MBD5: variants seen among roughly 807,000 people sequenced by gnomAD.
MBD5 encodes the protein methyl-CpG binding domain protein 5.
A neutral mutation model predicts 117.3 loss-of-function variants in MBD5; 13 were observed. That is an observed-to-expected ratio of 0.11 (90% CI 0.07 to 0.18). MBD5 has a LOEUF of 0.18. MBD5 is among the 10% of genes least tolerant of loss of function. MBD5 has a pLI of 1.00. For synonymous variants in MBD5, 727 were observed against 766.4 expected, an observed-to-expected ratio of 0.95 and a Z score of 0.85; for missense variants, 1,879 against 2,093.8, an observed-to-expected ratio of 0.90 and a Z score of 2.00.
intron 1 of MBD5, among the ~76,000 whole-genome samples, chr2:148,117,767 T>C (rs1305501845): frequency 6.6e-6 from 1 of 152,210 alleles, no homozygotes; most frequent in African/African-American, 2.4e-5. Context: ...CAATGGATTA[T>C]CTCATTTAAT....
chr2:148,113,498 TTAAAA>T (rs1311166627), intron 1 of MBD5, among the ~76,000 whole-genome samples: 5 of 152,328 alleles, frequency 3.3e-5, no homozygotes, highest in African/African-American at 1.2e-4. Flanking sequence ...ATAGAGGAGC[TTAAAA>T]TAACATGTGT....
chr2:148,239,652 A>G (rs906228820), intron 3 of MBD5, among the ~76,000 whole-genome samples: 53 of 147,420 alleles, frequency 3.6e-4, no homozygotes, highest in Admixed American at 8.8e-4. Context: ...AAAATTATTG[A>G]CATTTCAAAA....
chr2:148,415,280 C>T (rs191978014), intron 4 of MBD5, among the ~76,000 whole-genome samples: 1 of 151,864 alleles, frequency 6.6e-6, no homozygotes, highest in East Asian at 1.9e-4. Flanking sequence ...TTTTAAGGAT[C>T]CTGAATATAA....
intron 4 of MBD5, among the ~76,000 whole-genome samples, chr2:148,393,656 G>A (rs1318826768): frequency 6.6e-6 from 1 of 152,080 alleles, no homozygotes; most frequent in Non-Finnish European, 1.5e-5. Context: ...CAAATTTGAG[G>A]GTCAGCAGCA....
At chr2:148,425,974 T>G (rs1186368262) in intron 4 of MBD5, among the ~76,000 whole-genome samples, 1 of 152,136 alleles carries the variant, frequency 6.6e-6, no homozygotes, top group Non-Finnish European at 1.5e-5. Context: ...AAAATCAATG[T>G]GCAAAAATCA....
At chr2:148,178,842 G>A (rs1435150335) in intron 2 of MBD5, 49 bp downstream of exon 2, 1 of 397,166 alleles carries the variant, frequency 2.5e-6, no homozygotes, top group Non-Finnish European at 4.4e-6. Flanking sequence ...AATGGTTAGG[G>A]TTGTCAGATT....
intron 1 of MBD5, among the ~76,000 whole-genome samples, chr2:148,094,551 G>A (rs1696014711): frequency 6.6e-6 from 1 of 152,034 alleles, no homozygotes; most frequent in Admixed American, 6.6e-5. Context: ...ATTTTCATAG[G>A]TACCCTTTAA....
At chr2:148,261,371 C>A (rs549481292) in intron 3 of MBD5, among the ~76,000 whole-genome samples, 2 of 152,334 alleles carry the variant, frequency 1.3e-5, no homozygotes, top group South Asian at 4.1e-4. Flanking sequence ...TTAGCTAGAT[C>A]TTCTAGATAA....
chr2:148,264,561 C>T (rs1700811468), intron 3 of MBD5: 1 of 152,040 alleles, frequency 6.6e-6, no homozygotes, highest in African/African-American at 2.4e-5. Context: ...TTGTACCAAT[C>T]AGAATTCTTA....
At chr2:148,150,628 T>G (rs1416159127) in intron 1 of MBD5, among the ~76,000 whole-genome samples, 1 of 151,802 alleles carries the variant, frequency 6.6e-6, no homozygotes, top group Non-Finnish European at 1.5e-5. Flanking sequence ...GAGCAGTGGT[T>G]TGTAGTTCTC....
At chr2:148,023,349 A>G (rs1381236397) in intron 1 of MBD5, among the ~76,000 whole-genome samples, 1 of 152,228 alleles carries the variant, frequency 6.6e-6, no homozygotes, top group East Asian at 1.9e-4. Context: ...GAAGCATTGC[A>G]TATGTAGAAA....
At chr2:148,400,619 T>C (rs903080362) in intron 4 of MBD5, among the ~76,000 whole-genome samples, 2 of 152,192 alleles carry the variant, frequency 1.3e-5, no homozygotes, top group African/African-American at 4.8e-5. Flanking sequence ...ATGAAAGAAA[T>C]ATGGAAAAGC....
At chr2:148,260,851 T>C (rs1700714609) in intron 3 of MBD5, 1 of 152,186 alleles carries the variant, frequency 6.6e-6, no homozygotes, top group African/African-American at 2.4e-5. Flanking sequence ...GACTTTAAAA[T>C]TGATGCATTT....
At chr2:148,456,612 T>C (rs1214616665) in intron 4 of MBD5, among the ~76,000 whole-genome samples, 1 of 152,142 alleles carries the variant, frequency 6.6e-6, no homozygotes, top group Non-Finnish European at 1.5e-5. Context: ...TGGAAGATGT[T>C]ATGCCTGTAG....
At position 148,483,793 on chromosome 2, in the gene MBD5, T is replaced by C. The variant is rs1331077999; in HGVS notation, c.3202T>C (p.Phe1068Leu). The change falls in exon 9 of 14, where the codon TTT becomes CTT. Residue 1068 changes from phenylalanine (F) to leucine (L), a missense_variant. Around this residue, in one of 4 missense-constraint regions of MBD5, gnomAD observed 1,666 missense variants for 1,792.2 expected, o/e 0.93. Transcript: ENST00000642680. ...AAGCTTTGCAGGCAGTGACACTACTTTTAACCCCCTGTTCCTCCCAGCTGT... is the reference window on the plus strand; with the variant it reads ...AAGCTTTGCAGGCAGTGACACTACTCTTAACCCCCTGTTCCTCCCAGCTGT... Reference protein sequence around the residue: ...LPSFAGSDTTFNPLFLPAVNG... With the variant: ...LPSFAGSDTTLNPLFLPAVNG... The C allele has an allele frequency of 6.4e-7, 1 of 1,550,556 alleles. No homozygotes were observed. Among genetic ancestry groups the C allele is most frequent in the Non-Finnish European group, 8.7e-7 (1 of 1,146,966 alleles).
At chr2:148,235,467 T>G (rs964691110) in intron 3 of MBD5, among the ~76,000 whole-genome samples, 2 of 152,204 alleles carry the variant, frequency 1.3e-5, no homozygotes, top group Non-Finnish European at 2.9e-5. Flanking sequence ...ATGTAATTAA[T>G]AAGCCACAGA....
chr2:148,322,621 T>C (rs1387649538), intron 3 of MBD5, among the ~76,000 whole-genome samples: 1 of 152,148 alleles, frequency 6.6e-6, no homozygotes, highest in East Asian at 1.9e-4. Flanking sequence ...CAGTGGCAGT[T>C]TGGAAACTGT....
At position 148,437,603 on chromosome 2, in the gene MBD5, A is replaced by G. The variant is rs553938841; in HGVS notation, c.-556-20600A>G. Among the ~76,000 whole-genome samples the G allele has an allele frequency of 2.4e-4, 37 of 152,182 alleles. No individual in the cohort carries two copies. In the South Asian group the frequency reaches 7.3e-3, roughly 30 times the overall value. Reference sequence around the variant, plus strand: ...TTTGAAAAGAGGATCTATTTGATAAACAAAAAATATGTCACAACACTTCAC... The same window carrying G: ...TTTGAAAAGAGGATCTATTTGATAAGCAAAAAATATGTCACAACACTTCAC... On this transcript the variant is annotated intron_variant, in intron 4 of 13. Coordinates refer to ENST00000642680, the MANE Select transcript of MBD5 (RefSeq NM_001378120.1).
At chr2:148,348,543 A>G (rs1266488895) in intron 4 of MBD5, among the ~76,000 whole-genome samples, 7 of 152,070 alleles carry the variant, frequency 4.6e-5, no homozygotes, top group Non-Finnish European at 1.0e-4. Flanking sequence ...TACATAAATT[A>G]TAGGCTTGGT....
Sources: allele counts gnomAD v4.1 joint callset (sites outside exome capture counted in the v4.1 genomes callset), GRCh38; gene constraint gnomAD v4.1.1; regional missense constraint gnomAD v4.1.1; transcripts MANE v1.5; gene names NCBI Gene and HGNC (gene_info 2026-07-23, HGNC 2026-07-21).